PRC1: variants seen among roughly 807,000 people sequenced by gnomAD.
The protein encoded by PRC1 is protein regulator of cytokinesis 1.
A neutral mutation model predicts 91.2 loss-of-function variants in PRC1; 54 were observed. The ratio of observed to expected loss-of-function variants is 0.59; its 90% confidence interval spans 0.48 to 0.74. The LOEUF (loss-of-function observed/expected upper bound fraction) is 0.74, where lower values mean the gene tolerates loss of function less well. Among genes scored for constraint, PRC1 ranks in the 30% least tolerant of loss-of-function variants. PRC1 has a pLI of 0.00. For synonymous variants in PRC1, 275 were observed against 263.6 expected, an observed-to-expected ratio of 1.04 and a Z score of -0.42; for missense variants, 727 against 746.2, an observed-to-expected ratio of 0.97 and a Z score of 0.30.
At chr15:90,978,831 C>T (rs2038956610) in intron 8 of PRC1, among the ~76,000 whole-genome samples, 1 of 150,558 alleles carries the variant, frequency 6.6e-6, no homozygotes, top group Non-Finnish European at 1.5e-5. Flanking sequence ...AGATGAGGTC[C>T]ACCCTTAGTG....
At chr15:90,970,370 T>C (rs371421270) in intron 12 of PRC1, 34 bp downstream of exon 12, 11 of 1,472,072 alleles carry the variant, frequency 7.5e-6, no homozygotes, top group Non-Finnish European at 9.5e-6. Flanking sequence ...TAGGGACGCA[T>C]GTGAGGATGT....
At chr15:90,991,303 A>C (rs984480339) in intron 1 of PRC1, among the ~76,000 whole-genome samples, 3 of 151,386 alleles carry the variant, frequency 2.0e-5, no homozygotes, top group Non-Finnish European at 4.4e-5. Flanking sequence ...GTAATCCCAG[A>C]TACTCAGGAG....
intron 6 of PRC1, chr15:90,980,595 T>C (rs1417286962): frequency 2.6e-5 from 18 of 683,872 alleles, no homozygotes; most frequent in Non-Finnish European, 3.7e-5. Context: ...TCTGGCTCAC[T>C]GCAACCCTCC....
chr15:90,969,716 C>G (rs925771377), intron 12 of PRC1, 93 bp from the exon 13 acceptor site: 3 of 863,122 alleles, frequency 3.5e-6, no homozygotes, highest in Non-Finnish European at 4.8e-6. Flanking sequence ...CTGAGACTAT[C>G]TTTATATTCA....
Position 90,980,495 on chromosome 15 carries a change from G to A in PRC1, c.823-106C>T, listed in dbSNP as rs1268760119. ...TAAAATTATAATGCAAAGCCACAAA[G>A]GTATTATAAATCAACACTTTTTTTT... On this transcript the variant is annotated intron_variant, in intron 6 of 14. Coordinates refer to ENST00000394249, the MANE Select transcript of PRC1 (RefSeq NM_003981.4). The A allele has an allele frequency of 8.6e-6, 9 of 1,050,560 alleles. No homozygotes were observed. In the Admixed American group the frequency reaches 1.1e-4, roughly 13 times the overall value. 65.1% of individuals were successfully genotyped at this position (1,050,560 alleles called of 1,614,324 possible).
In PRC1 at chr15:90,978,753, C is replaced by CAAAAAAAAA. The variant is rs869065052; in HGVS notation, c.1107+396_1107+404dup. On this transcript the variant is annotated intron_variant, in intron 8 of 14. Coordinates refer to ENST00000394249, the MANE Select transcript of PRC1 (RefSeq NM_003981.4). ...GGGCAACAAGAGCGAAACTCCACCT[C>CAAAAAAAAA]AAAAAAAAAAAAAAAAAAAAAAAAA... is the stretch of plus-strand genomic sequence containing the variant. 1.5e-4 allele frequency among the ~76,000 whole-genome samples: 6 copies of CAAAAAAAAA among 39,700 alleles called. 1 individual carries two copies. Among genetic ancestry groups the CAAAAAAAAA allele is most frequent in the African/African-American group, 5.0e-4 (5 of 9,924 alleles). The allele number at this position is 39,700 out of a possible 152,430, so 26.0% of individuals were successfully genotyped here.
Position 90,969,438 on chromosome 15 carries a change from G to A in PRC1, c.1749+9C>T, listed in dbSNP as rs756175104. The A allele has an allele frequency of 3.2e-6, 5 of 1,584,220 alleles. No individual in the cohort carries two copies. In the African/African-American group the frequency reaches 5.4e-5, roughly 17 times the overall value. ...CAGAGACTGGTAGATATTAGAAAAGGTGAATTACCGCAAACTCAGAATAGG... is the reference window on the plus strand; with the variant it reads ...CAGAGACTGGTAGATATTAGAAAAGATGAATTACCGCAAACTCAGAATAGG... On this transcript the variant is annotated intron_variant, in intron 13 of 14. Coordinates refer to ENST00000394249, the MANE Select transcript of PRC1 (RefSeq NM_003981.4).
chr15:90,969,927 T>A lies in PRC1; in HGVS notation c.1573-304A>T, dbSNP rs2890156. The stretch of plus-strand genomic sequence containing the variant: ...GCAAAACACTGTCTCTAGAAAAAAA[T>A]TTTTTTTAAATATGAATTCTTGATT... On this transcript the variant is annotated intron_variant, in intron 12 of 14. Coordinates refer to ENST00000394249, the MANE Select transcript of PRC1 (RefSeq NM_003981.4). Among the ~76,000 whole-genome samples, 25,538 of 151,564 alleles carry A rather than the reference T, an allele frequency of 0.17. 2,613 individuals carry two copies. The highest frequency in any genetic ancestry group is 0.5 in the East Asian group (2,603 of 5,174).
chr15:90,973,621 T>C (rs979505613), intron 11 of PRC1, among the ~76,000 whole-genome samples: 6 of 152,122 alleles, frequency 3.9e-5, no homozygotes, highest in African/African-American at 7.2e-5. Context: ...TACGTACCTA[T>C]GTTCGTTCTA....
chr15:90,991,486 T>C (rs1051880859), intron 1 of PRC1, among the ~76,000 whole-genome samples: 1 of 151,968 alleles, frequency 6.6e-6, no homozygotes, highest in African/African-American at 2.4e-5. Flanking sequence ...CTGTTGGAAA[T>C]GGGTGTTTGG....
At chr15:90,967,385 A>G in intron 14 of PRC1, 183 bp from the exon 15 acceptor site, 1 of 608,138 alleles carries the variant, frequency 1.6e-6, no homozygotes, top group South Asian at 1.9e-5. Flanking sequence ...TATTAGTCAC[A>G]GACAGAGTGC....
At position 90,974,846 on chromosome 15, in the gene PRC1, C is replaced by G; in HGVS notation, c.1204-115G>C. On this transcript the variant is annotated intron_variant, in intron 9 of 14. Transcript: ENST00000394249. This position sits in a 1 kb window ranked among gnomAD's most constrained non-coding sequence, Gnocchi z 4.6. Reference sequence around the variant, plus strand: ...CCCCAGAGCATCATTAGCCTCATTTCAGGTAGCTGGGCCCACATGGGTACA... The same window carrying G: ...CCCCAGAGCATCATTAGCCTCATTTGAGGTAGCTGGGCCCACATGGGTACA... The G allele has an allele frequency of 1.5e-6, 2 of 1,296,318 alleles. No individual in the cohort carries two copies. The highest frequency in any genetic ancestry group is 2.2e-6 in the Non-Finnish European group (2 of 917,678). 80.3% of individuals were successfully genotyped at this position (1,296,318 alleles called of 1,614,324 possible). A position where few individuals can be genotyped will look rare whatever the true frequency, so the allele number is the denominator to read the frequency against.
chr15:90,983,786 G>A, intron 3 of PRC1: 1 of 396,540 alleles, frequency 2.5e-6, no homozygotes, highest in Non-Finnish European at 4.3e-6. Context: ...ATGGTAAGCA[G>A]CAGCTTCTTT....
At chr15:90,970,844 A>G (rs1443358456) in intron 11 of PRC1, among the ~76,000 whole-genome samples, 1 of 152,232 alleles carries the variant, frequency 6.6e-6, no homozygotes, top group Non-Finnish European at 1.5e-5. Flanking sequence ...CTTAGACGTA[A>G]ATGTTCACAA....
chr15:90,981,083 G>A (rs1365206937), intron 5 of PRC1, 50 bp from the exon 6 acceptor site: 2 of 1,606,756 alleles, frequency 1.2e-6, no homozygotes, highest in East Asian at 2.2e-5. Context: ...CAGCACAGAG[G>A]CTAGCCCTCT....
chr15:90,974,707 T>A lies in PRC1; in HGVS notation c.1228A>T (p.Ile410Phe), dbSNP rs1596295571. 5 of 1,614,224 alleles carry A rather than the reference T, an allele frequency of 3.1e-6. No homozygotes were observed. In the East Asian group the frequency reaches 1.1e-4, roughly 36 times the overall value. The change falls in exon 10 of 15, where the codon ATT (isoleucine) becomes TTT (phenylalanine). Residue 410 changes from isoleucine (I) to phenylalanine (F), a missense_variant. Coordinates refer to ENST00000394249, the MANE Select transcript of PRC1 (RefSeq NM_003981.4). The surrounding 1 kb of genome is among the most constrained non-coding windows in gnomAD (Gnocchi z 4.6). ...PKLEEELKAR[I>F]ELWEQEHSKA... is the part of the protein sequence containing the mutation. ...GAATGTTCCTGTTCCCACAATTCAATTCGTGCCTTCAACTCTTCTTCCAGC... is the reference window on the plus strand; with the variant it reads ...GAATGTTCCTGTTCCCACAATTCAAATCGTGCCTTCAACTCTTCTTCCAGC...
In PRC1 at chr15:90,970,295, A is replaced by G. The variant is rs536239546; in HGVS notation, c.1572+109T>C. Reference sequence around the variant, plus strand: ...ATATCTGTCAACTCTCAGCATCTCAATAAGAACCAAATCCAGGGATCTTAG... The same window carrying G: ...ATATCTGTCAACTCTCAGCATCTCAGTAAGAACCAAATCCAGGGATCTTAG... On this transcript the variant is annotated intron_variant, in intron 12 of 14. Transcript: ENST00000394249. 171 of 827,048 alleles carry G rather than the reference A, an allele frequency of 2.1e-4. 1 individual carries two copies. The highest frequency in any genetic ancestry group is 1.7e-3 in the African/African-American group (99 of 59,248). 51.2% of individuals were successfully genotyped at this position (827,048 alleles called of 1,614,324 possible).
chr15:90,974,387 G>GCCCCGGT lies in PRC1; in HGVS notation c.1351-148_1351-142dup. 9.3e-7 allele frequency: 1 copy of GCCCCGGT among 1,076,626 alleles called. No individual in the cohort carries two copies. 66.7% of individuals were successfully genotyped at this position (1,076,626 alleles called of 1,614,324 possible). ...CTGCCGCGGGCTCCCCGTTCCACAA[G>GCCCCGGT]CCCCGGTCCCCGGCTCCCCGTTCCA... On this transcript the variant is annotated intron_variant, in intron 10 of 14. Transcript: ENST00000394249. The surrounding 1 kb of genome is among the most constrained non-coding windows in gnomAD (Gnocchi z 4.6).
At chr15:90,986,395 G>A (rs1596324345) in intron 1 of PRC1, among the ~76,000 whole-genome samples, 1 of 152,206 alleles carries the variant, frequency 6.6e-6, no homozygotes, top group South Asian at 2.1e-4. Context: ...CTGGGAGGCC[G>A]AGGGGAGCAG....
Sources: allele counts gnomAD v4.1 joint callset (sites outside exome capture counted in the v4.1 genomes callset), GRCh38; gene constraint gnomAD v4.1.1; non-coding constraint Gnocchi (gnomAD v3.1); transcripts MANE v1.5; gene names NCBI Gene and HGNC (gene_info 2026-07-23, HGNC 2026-07-21).